The following ATP5MF variants were observed in gnomAD, a reference collection of about 807,000 sequenced individuals.
ATP5MF encodes ATP synthase membrane subunit f.
In ATP5MF, 10 loss-of-function variants were observed where a neutral mutation model predicts 13.8. The ratio of observed to expected loss-of-function variants is 0.72; its 90% CI spans 0.45 to 1.23. The LOEUF (loss-of-function observed/expected upper bound fraction) is 1.23. Among genes scored for constraint, ATP5MF ranks in the 50% most tolerant of loss-of-function variants. The pLI is 0.00. For missense variants in ATP5MF, 122 were observed against 118.2 expected (o/e 1.03, Z -0.15); for synonymous variants, 40 against 45.8 (o/e 0.87, Z 0.51).
At chr7:99,463,724 T>C (rs1347575246) in intron 1 of ATP5MF, among the ~76,000 whole-genome samples, 1 of 151,998 alleles carries the variant, frequency 6.6e-6, no homozygotes, top group Non-Finnish European at 1.5e-5. Flanking sequence ...TGCACTGAGC[T>C]GAGATCGTGC....
chr7:99,460,587 A>AG, intron 1 of ATP5MF: 5 of 496,400 alleles, frequency 1.0e-5, no homozygotes, highest in South Asian at 7.3e-5. Context: ...AAAGGAGGGG[A>AG]GGGGGGATAG....
In ATP5MF at chr7:99,466,119, G is replaced by A; in HGVS notation, c.23C>T (p.Pro8Leu). The A allele has an allele frequency of 6.2e-7, 1 of 1,614,132 alleles. No homozygotes were observed. Among genetic ancestry groups the A allele is most frequent in the Non-Finnish European group, 8.5e-7 (1 of 1,180,020 alleles). MASVGEC[P>L]APVPVKDKKL... ...AGTCCAAACAGCCTTACCTGGGGCC[G>A]GACACTCACCAACTGACGCCATTTT... is the stretch of plus-strand genomic sequence containing the variant. The change falls in exon 1 of 4, where the codon CCG (proline) becomes CTG (leucine). Residue 8 changes from proline to leucine, a missense_variant. Physicochemically the swap from Pro to Leu is moderately conservative, Grantham distance 98. Coordinates refer to ENST00000292475, the MANE Select transcript of ATP5MF (RefSeq NM_004889.5).
At chr7:99,464,949 C>T (rs1798789899) in intron 1 of ATP5MF, among the ~76,000 whole-genome samples, 1 of 149,468 alleles carries the variant, frequency 6.7e-6, no homozygotes, top group Non-Finnish European at 1.5e-5. Context: ...TGGGCGACAG[C>T]GTGAGACTCC....
At chr7:99,461,380 T>TA (rs1394732265) in intron 1 of ATP5MF, among the ~76,000 whole-genome samples, 2 of 152,034 alleles carry the variant, frequency 1.3e-5, no homozygotes, top group African/African-American at 4.8e-5. Flanking sequence ...CAGCTAATGA[T>TA]AAGTTTTAAA....
At chr7:99,459,117 C>A in intron 3 of ATP5MF, 30 bp downstream of exon 3, 2 of 1,561,594 alleles carry the variant, frequency 1.3e-6, no homozygotes, top group Non-Finnish European at 1.8e-6. Flanking sequence ...CTCATGGGAA[C>A]TAAAGGCAAG....
intron 1 of ATP5MF, among the ~76,000 whole-genome samples, chr7:99,461,492 C>A (rs1798598340): frequency 6.6e-6 from 1 of 152,176 alleles, no homozygotes; most frequent in African/African-American, 2.4e-5. Context: ...CCCAAGGTTT[C>A]TTCTCCATTT....
intron 1 of ATP5MF, among the ~76,000 whole-genome samples, chr7:99,465,513 C>T (rs1264101969): frequency 6.6e-6 from 1 of 152,096 alleles, no homozygotes; most frequent in Non-Finnish European, 1.5e-5. Context: ...ATGAATGTAG[C>T]GATTTACACA....
In ATP5MF at chr7:99,459,750, G is replaced by T. The variant is rs999626831; in HGVS notation, c.139+336C>A. ...TTTCAAATATTTGTCCTGAAGTTCT[G>T]GCAGGGAGGAGAGCATCATATTATA... is the stretch of plus-strand genomic sequence containing the variant. On this transcript the variant is annotated intron_variant, in intron 2 of 3. Transcript: ENST00000292475. 1.1e-4 allele frequency: 31 copies of T among 275,290 alleles called. 3 individuals are homozygous for T. In the South Asian group the frequency reaches 1.7e-3, roughly 15 times the overall value. The allele number at this position is 275,290 out of a possible 1,614,324, so 17.1% of individuals were successfully genotyped here.
chr7:99,461,811 C>T (rs988646724), intron 1 of ATP5MF, among the ~76,000 whole-genome samples: 11 of 151,772 alleles, frequency 7.2e-5, no homozygotes, highest in Non-Finnish European at 1.2e-4. Context: ...GCATGCGCCA[C>T]GACACCCAGC....
chr7:99,460,464 G>C, intron 1 of ATP5MF: 1 of 673,122 alleles, frequency 1.5e-6, no homozygotes, highest in Non-Finnish European at 2.8e-6. Context: ...CCAGAAAAGG[G>C]TCTCGAAAAA....
chr7:99,459,275 A>G lies in ATP5MF; in HGVS notation c.140-12T>C. 6.3e-7 allele frequency: 1 copy of G among 1,595,504 alleles called. No homozygotes were observed. Among genetic ancestry groups the G allele is most frequent in the Non-Finnish European group, 8.6e-7 (1 of 1,162,968 alleles). ...GTACCGGTAGTAACCTGCAAACGCA[A>G]GAGGCGCTCACTGCCCTGCTGGGCT... On this transcript the variant is annotated splice_polypyrimidine_tract_variant and intron_variant, in intron 2 of 3. Transcript: ENST00000292475.
chr7:99,459,333 G>A, intron 2 of ATP5MF, 70 bp from the exon 3 acceptor site: 1 of 1,181,012 alleles, frequency 8.5e-7, no homozygotes, highest in Admixed American at 1.7e-5. Context: ...ACACAGTTGA[G>A]TCTGGCTGAC....
At chr7:99,458,621 C>T (rs960629286) in intron 3 of ATP5MF, among the ~76,000 whole-genome samples, 6 of 152,140 alleles carry the variant, frequency 3.9e-5, no homozygotes, top group Admixed American at 1.3e-4. Context: ...CCAGAGAACC[C>T]GTCCTTCAGA....
rs767847525 is a variant in ATP5MF at position 99,459,280 on chromosome 7, C to T, written c.140-17G>A. ...GGTAGTAACCTGCAAACGCAAGAGG[C>T]GCTCACTGCCCTGCTGGGCTTCACA... On this transcript the variant is annotated splice_polypyrimidine_tract_variant and intron_variant, in intron 2 of 3. Coordinates refer to ENST00000292475, the MANE Select transcript of ATP5MF (RefSeq NM_004889.5). The T allele has an allele frequency of 1.6e-5, 25 of 1,572,304 alleles. No homozygotes were observed. Among genetic ancestry groups the T allele is most frequent in the Non-Finnish European group, 1.8e-5 (21 of 1,141,974 alleles).
chr7:99,458,247 C>G lies in ATP5MF; in HGVS notation c.*80G>C. The stretch of plus-strand genomic sequence containing the variant: ...ATTCCTATTAGGATATGAAAGGATT[C>G]AGCAACGATTGAGATTGTGTTCCTC... On this transcript the variant is annotated 3_prime_UTR_variant, in exon 4 of 4. Coordinates refer to ENST00000292475, the MANE Select transcript of ATP5MF (RefSeq NM_004889.5). The G allele has an allele frequency of 7.0e-7, 1 of 1,419,264 alleles. No homozygotes were observed. Among genetic ancestry groups the G allele is most frequent in the Non-Finnish European group, 9.8e-7 (1 of 1,025,044 alleles). 87.9% of individuals were successfully genotyped at this position (1,419,264 alleles called of 1,614,324 possible). A position where few individuals can be genotyped will look rare whatever the true frequency, so the allele number is the denominator to read the frequency against.
At chr7:99,464,216 CA>C (rs1798742573) in intron 1 of ATP5MF, among the ~76,000 whole-genome samples, 1 of 152,366 alleles carries the variant, frequency 6.6e-6, no homozygotes, top group East Asian at 1.9e-4. Context: ...TATGCTTAAA[CA>C]AAATGCCCCA....
Position 99,466,162 on chromosome 7 carries a change from T to A in ATP5MF, c.-21A>T. ...GCCATTTTGGAGTCCTGGTGTCCGC[T>A]GTGCCGGACCGCGCGAGGGCTGCTG... On this transcript the variant is annotated 5_prime_UTR_variant, in exon 1 of 4. Transcript: ENST00000292475. 1.2e-6 allele frequency: 2 copies of A among 1,614,172 alleles called. No individual in the cohort carries two copies. Among genetic ancestry groups the A allele is most frequent in the Non-Finnish European group, 1.7e-6 (2 of 1,180,018 alleles).
chr7:99,460,868 C>T (rs187344943), intron 1 of ATP5MF, among the ~76,000 whole-genome samples: 6 of 152,256 alleles, frequency 3.9e-5, no homozygotes, highest in African/African-American at 1.4e-4. Context: ...CCAGCCCGAG[C>T]AAGTATAATG....
chr7:99,464,386 G>A (rs1227869390), intron 1 of ATP5MF, among the ~76,000 whole-genome samples: 1 of 152,200 alleles, frequency 6.6e-6, no homozygotes, highest in African/African-American at 2.4e-5. Context: ...GCCGGAGGCC[G>A]GGCGCAGTGG....
Sources: gnomAD v4.1 joint callset for allele counts (sites outside exome capture counted in the v4.1 genomes callset) on GRCh38, gnomAD v4.1.1 for gene constraint, MANE v1.5 for transcripts, NCBI Gene and HGNC (gene_info 2026-07-23, HGNC 2026-07-21) for gene names.